Variants in UBE2D3 observed in about 807,000 individuals in gnomAD.
UBE2D3 encodes the protein ubiquitin-conjugating enzyme E2 D3.
UBE2D3 carries 2 observed loss-of-function variants against 22.8 expected under a neutral mutation model. That is an observed-to-expected ratio of 0.09 (90% confidence interval 0.04 to 0.28). The LOEUF (loss-of-function observed/expected upper bound fraction) is 0.28. UBE2D3 is among the 10% of genes least tolerant of loss of function. The pLI is 1.00. For synonymous variants in UBE2D3, 56 were observed against 60.4 expected (o/e 0.93, Z 0.34); for missense variants, 27 against 182.5 (o/e 0.15, Z 4.91).
chr4:102,850,310 G>C (rs1732274046), intron 1 of UBE2D3, among the ~76,000 whole-genome samples: 1 of 151,836 alleles, frequency 6.6e-6, no homozygotes, highest in African/African-American at 2.4e-5. Context: ...TGGATACAGG[G>C]ACACTCTGTG....
chr4:102,799,891 A>AT (rs1418558710), intron 6 of UBE2D3, among the ~76,000 whole-genome samples: 6 of 150,394 alleles, frequency 4.0e-5, no homozygotes, highest in Non-Finnish European at 8.9e-5. Flanking sequence ...ATTCATAGCC[A>AT]TTAGGCATGA....
intron 1 of UBE2D3, among the ~76,000 whole-genome samples, chr4:102,868,072 C>CTTTTTTTTTTTTTTTTTTTTTTTTTT (rs11418599): frequency 8.7e-6 from 1 of 115,278 alleles, no homozygotes; most frequent in African/African-American, 3.6e-5. Context: ...GCTTTAGATT[C>CTTTTTTTTTTTTTTTTTTTTTTTTTT]TTTTTTTTTT....
At chr4:102,824,961 T>A (rs915770672) in intron 2 of UBE2D3, among the ~76,000 whole-genome samples, 2 of 152,248 alleles carry the variant, frequency 1.3e-5, no homozygotes, top group Non-Finnish European at 2.9e-5. Context: ...TTTTCTTTCA[T>A]TTCACAAAGA....
chr4:102,801,427 A>T, intron 6 of UBE2D3, 27 bp downstream of exon 6: 1 of 1,565,774 alleles, frequency 6.4e-7, no homozygotes, highest in Middle Eastern at 2.3e-4. Flanking sequence ...GACAATGAGA[A>T]CAGCTTATTT....
chr4:102,830,486 T>C (rs1272024984), upstream of UBE2D3, among the ~76,000 whole-genome samples: 1 of 152,208 alleles, frequency 6.6e-6, no homozygotes, highest in Non-Finnish European at 1.5e-5. Context: ...ATAAATACTA[T>C]TTTGAAGTCC....
intron 7 of UBE2D3, 108 bp from the exon 8 acceptor site, chr4:102,797,568 T>C (rs577845099): frequency 3.8e-6 from 3 of 796,438 alleles, no homozygotes; most frequent in African/African-American, 3.6e-5. Context: ...CATGAAGTCA[T>C]CTCTAATGAC....
chr4:102,800,649 T>C (rs764358410), intron 6 of UBE2D3, among the ~76,000 whole-genome samples: 10 of 152,108 alleles, frequency 6.6e-5, no homozygotes, highest in African/African-American at 9.7e-5. Context: ...CTGCCTAAGT[T>C]GTTTCTTTTT....
intron 1 of UBE2D3, among the ~76,000 whole-genome samples, chr4:102,847,651 T>A (rs1732106877): frequency 6.6e-6 from 1 of 151,846 alleles, no homozygotes; most frequent in Non-Finnish European, 1.5e-5. Context: ...TCTTTTCTTT[T>A]CTTTTCGTTA....
chr4:102,860,697 A>G (rs1030230510), intron 1 of UBE2D3, among the ~76,000 whole-genome samples: 4 of 151,878 alleles, frequency 2.6e-5, no homozygotes, highest in African/African-American at 9.7e-5. Flanking sequence ...TATTTTCTCT[A>G]GTGCAGTGCC....
intron 1 of UBE2D3, among the ~76,000 whole-genome samples, chr4:102,839,349 C>G (rs1333174280): frequency 6.6e-6 from 1 of 152,194 alleles, no homozygotes; most frequent in African/African-American, 2.4e-5. Context: ...TCACTACAGC[C>G]TCAACCTCAC....
chr4:102,803,446 C>G (rs915077215), intron 4 of UBE2D3, among the ~76,000 whole-genome samples: 3 of 152,162 alleles, frequency 2.0e-5, no homozygotes, highest in Non-Finnish European at 2.9e-5. Context: ...TATATATGAG[C>G]CTTTCACTAT....
At chr4:102,817,468 A>G (rs1728934512) in intron 2 of UBE2D3, among the ~76,000 whole-genome samples, 1 of 152,218 alleles carries the variant, frequency 6.6e-6, no homozygotes, top group African/African-American at 2.4e-5. Context: ...ATTACATTCA[A>G]GCATAGAACA....
intron 2 of UBE2D3, among the ~76,000 whole-genome samples, chr4:102,821,197 A>T (rs76008944): frequency 0.012 from 1,810 of 152,290 alleles, 21 homozygotes; most frequent in African/African-American, 0.036. Context: ...GTTTTATTTC[A>T]TTAATTTCAA....
intron 1 of UBE2D3, chr4:102,844,127 T>G (rs1248822802): frequency 6.6e-6 from 1 of 152,186 alleles, no homozygotes; most frequent in South Asian, 2.1e-4. Context: ...GGTTTTTATA[T>G]TGTCATTCTC....
At chr4:102,807,869 A>T (rs1727313901) in intron 4 of UBE2D3, among the ~76,000 whole-genome samples, 1 of 152,164 alleles carries the variant, frequency 6.6e-6, no homozygotes, top group African/African-American at 2.4e-5. Flanking sequence ...GTGTTGTTCA[A>T]AATAACAAAG....
At chr4:102,832,549 G>C (rs1731169939), upstream of UBE2D3, among the ~76,000 whole-genome samples, 1 of 152,084 alleles carries the variant, frequency 6.6e-6, no homozygotes, top group Admixed American at 6.6e-5. Flanking sequence ...AGAAAAACAG[G>C]ATGTTAATGA....
At chr4:102,867,508 A>G (rs943000798) in intron 1 of UBE2D3, among the ~76,000 whole-genome samples, 7 of 152,236 alleles carry the variant, frequency 4.6e-5, no homozygotes, top group African/African-American at 7.2e-5. Context: ...TATGAAACAA[A>G]GTCATAGCAA....
intron 2 of UBE2D3, among the ~76,000 whole-genome samples, chr4:102,818,552 T>C (rs1393641279): frequency 4.6e-5 from 7 of 152,114 alleles, no homozygotes; most frequent in Non-Finnish European, 8.8e-5. Context: ...ACAAAGAAAT[T>C]TGAGACAGCA....
chr4:102,804,645 A>G (rs1726746705), intron 4 of UBE2D3, among the ~76,000 whole-genome samples: 1 of 152,176 alleles, frequency 6.6e-6, no homozygotes, highest in Non-Finnish European at 1.5e-5. Context: ...TGTAAAATTA[A>G]CAATTTAAAG....
Sources: allele counts gnomAD v4.1 joint callset (sites outside exome capture counted in the v4.1 genomes callset), GRCh38; gene constraint gnomAD v4.1.1; transcripts MANE v1.5; gene names NCBI Gene and HGNC (gene_info 2026-07-23, HGNC 2026-07-21).